ADAMTSL1: variants seen among roughly 807,000 people sequenced by gnomAD.
ADAMTSL1 encodes the protein ADAMTS-like protein 1.
ADAMTSL1 carries 126 observed loss-of-function variants against 201.8 expected under a neutral mutation model. The ratio of observed to expected loss-of-function variants is 0.62; its 90% confidence interval spans 0.54 to 0.72. ADAMTSL1 has a LOEUF of 0.72. ADAMTSL1 is among the 30% of genes least tolerant of loss of function. ADAMTSL1 has a pLI of 0.00. For synonymous variants in ADAMTSL1, 1,121 were observed against 903.4 expected, an observed-to-expected ratio of 1.24 and a Z score of -4.32; for missense variants, 2,679 against 2,277.8, an observed-to-expected ratio of 1.18 and a Z score of -3.59.
At chr9:18,732,458 T>C (rs1185668434) in intron 15 of ADAMTSL1, among the ~76,000 whole-genome samples, 1 of 152,098 alleles carries the variant, frequency 6.6e-6, no homozygotes, top group Non-Finnish European at 1.5e-5. Context: ...AATGAGATGA[T>C]AAAATGGTAG....
intron 2 of ADAMTSL1, among the ~76,000 whole-genome samples, chr9:18,525,364 C>A (rs572291272): frequency 9.2e-5 from 14 of 152,160 alleles, no homozygotes; most frequent in Admixed American, 2.0e-4. Context: ...AGTGGTCTAT[C>A]AATTTTGTTG....
intron 3 of ADAMTSL1, among the ~76,000 whole-genome samples, chr9:18,560,159 T>G (rs1433679763): frequency 6.6e-6 from 1 of 152,182 alleles, no homozygotes; most frequent in Non-Finnish European, 1.5e-5. Flanking sequence ...CATAAATAAC[T>G]CTTATTATTT....
At chr9:18,779,422 GCTTTAAAGGCATTAT>G (rs1821253276) in intron 19 of ADAMTSL1, among the ~76,000 whole-genome samples, 1 of 152,120 alleles carries the variant, frequency 6.6e-6, no homozygotes, top group African/African-American at 2.4e-5. Flanking sequence ...AGTGCTCAGT[GCTTTAAAGGCATTAT>G]CTTGTTTAAT....
intron 1 of ADAMTSL1, among the ~76,000 whole-genome samples, chr9:18,000,269 G>A (rs906658732): frequency 2.7e-5 from 4 of 150,094 alleles, no homozygotes; most frequent in Admixed American, 1.3e-4. Context: ...AGCACCTGTT[G>A]TTTCCTGACT....
At position 18,680,358 on chromosome 9, in the gene ADAMTSL1, G is replaced by C. The variant is rs569257136; in HGVS notation, c.1183G>C (p.Gly395Arg). The C allele has an allele frequency of 1.9e-6, 3 of 1,613,994 alleles. No individual in the cohort carries two copies. The highest frequency in any genetic ancestry group is 2.5e-6 in the Non-Finnish European group (3 of 1,180,020). The change falls in exon 11 of 29, where the codon GGC (glycine) becomes CGC (arginine). Residue 395 changes from glycine (G) to arginine (R), a missense_variant. Coordinates refer to ENST00000380548, the MANE Select transcript of ADAMTSL1 (RefSeq NM_001040272.6). ...CGCGTGCTCCTCCTCGTGTGGGGGG[G>C]GCATCCAGAGCCGGGCAGTTTCCTG... ...WTACSSSCGG[G>R]IQSRAVSCVE...
At chr9:18,208,287 G>T (rs1829735606) in intron 2 of ADAMTSL1, among the ~76,000 whole-genome samples, 1 of 152,160 alleles carries the variant, frequency 6.6e-6, no homozygotes, top group African/African-American at 2.4e-5. Context: ...CAGTTTCTCT[G>T]TGTCTTTGGA....
chr9:18,126,779 T>A (rs575682170), intron 1 of ADAMTSL1, among the ~76,000 whole-genome samples: 3 of 152,368 alleles, frequency 2.0e-5, no homozygotes, highest in South Asian at 4.1e-4. Flanking sequence ...CTGTAGTTTT[T>A]AATTAGTTAT....
At position 18,046,828 on chromosome 9, in the gene ADAMTSL1, C is replaced by G. The variant is rs150024729; in HGVS notation, c.88-117034C>G. The stretch of plus-strand genomic sequence containing the variant: ...AGAAAATATCATCAACAACCTCAGA[C>G]ACATATCTAGTAAATAGCATCTTTG... On this transcript the variant is annotated intron_variant, in intron 1 of 29. Coordinates refer to the ADAMTSL1 transcript ENST00000680146. Among the ~76,000 whole-genome samples the G allele has an allele frequency of 3.3e-3, 502 of 152,222 alleles. 4 individuals carry two copies. The highest frequency in any genetic ancestry group is 0.011 in the African/African-American group (476 of 41,530).
At chr9:17,991,242 T>A in intron 1 of ADAMTSL1, among the ~76,000 whole-genome samples, 1 of 152,230 alleles carries the variant, frequency 6.6e-6, no homozygotes, top group Admixed American at 6.5e-5. Flanking sequence ...CAGCTCTATC[T>A]GTATACTATA....
At chr9:18,190,604 T>C (rs186405747) in intron 2 of ADAMTSL1, among the ~76,000 whole-genome samples, 71 of 152,328 alleles carry the variant, frequency 4.7e-4, no homozygotes, top group African/African-American at 1.5e-3. Flanking sequence ...GCACTGAGTC[T>C]AACAGCAGCT....
At chr9:18,701,358 C>A (rs1341082377) in intron 13 of ADAMTSL1, among the ~76,000 whole-genome samples, 1 of 151,646 alleles carries the variant, frequency 6.6e-6, no homozygotes, top group Non-Finnish European at 1.5e-5. Context: ...TAGCTGGGAT[C>A]ACAGGCTCAC....
At chr9:18,733,635 A>C (rs7469642) in intron 15 of ADAMTSL1, among the ~76,000 whole-genome samples, 1,138 of 73,446 alleles carry the variant, frequency 0.015, 27 homozygotes, top group African/African-American at 0.044. Context: ...CACTCCCCCC[A>C]CACACACACT....
At chr9:18,128,959 A>G (rs970960154) in intron 1 of ADAMTSL1, among the ~76,000 whole-genome samples, 1 of 152,228 alleles carries the variant, frequency 6.6e-6, no homozygotes, top group African/African-American at 2.4e-5. Flanking sequence ...TATAATAAAA[A>G]CATAGAGGCA....
chr9:18,199,599 G>A (rs1829346137), intron 2 of ADAMTSL1, among the ~76,000 whole-genome samples: 1 of 152,044 alleles, frequency 6.6e-6, no homozygotes, highest in African/African-American at 2.4e-5. Flanking sequence ...CTCTTAATAT[G>A]TAAAAGTTAT....
intron 11 of ADAMTSL1, 127 bp downstream of exon 11, chr9:18,680,643 T>G: frequency 9.9e-7 from 1 of 1,008,952 alleles, no homozygotes; most frequent in South Asian, 1.5e-5. Context: ...CCTACCAGCT[T>G]AGCTCCTGGA....
Position 18,099,337 on chromosome 9 carries a change from ATATATATATATATATATATTT to A in ADAMTSL1, c.88-64523_88-64503del, listed in dbSNP as rs1222602792. ...TGCTGCAAATGGAAAATATATATAT[ATATATATATATATATATATTT>A]TTTTTTTTTTTTTTAACATCCATTA... On this transcript the variant is annotated intron_variant, in intron 1 of 29. Coordinates refer to the ADAMTSL1 transcript ENST00000680146. 4.2e-4 allele frequency among the ~76,000 whole-genome samples: 18 copies of A among 43,166 alleles called. No homozygotes were observed. In the East Asian group the frequency reaches 5.0e-3, roughly 12 times the overall value. The allele number at this position is 43,166 out of a possible 152,430, so 28.3% of individuals were successfully genotyped here.
intron 2 of ADAMTSL1, among the ~76,000 whole-genome samples, chr9:18,247,729 A>G (rs941851304): frequency 3.9e-5 from 6 of 152,210 alleles, no homozygotes; most frequent in Admixed American, 6.5e-5. Context: ...AGAGGCTTCA[A>G]GGAGGCCTGT....
chr9:18,273,696 C>G (rs1267537394), intron 2 of ADAMTSL1, among the ~76,000 whole-genome samples: 1 of 152,132 alleles, frequency 6.6e-6, no homozygotes, highest in African/African-American at 2.4e-5. Context: ...CGCCTAAAAG[C>G]CAAATTCAGA....
intron 21 of ADAMTSL1, among the ~76,000 whole-genome samples, chr9:18,822,170 T>C (rs1563830193): frequency 6.6e-6 from 1 of 152,180 alleles, no homozygotes; most frequent in East Asian, 1.9e-4. Flanking sequence ...AACATAGCTT[T>C]TGGATTTTGT....
Sources: gnomAD v4.1 joint callset for allele counts (sites outside exome capture counted in the v4.1 genomes callset) on GRCh38, gnomAD v4.1.1 for gene constraint, MANE v1.5 for transcripts, NCBI Gene and HGNC (gene_info 2026-07-23, HGNC 2026-07-21) for gene names.